The following SAP30BP variants were observed in gnomAD, a reference collection of about 807,000 sequenced individuals.
The protein encoded by SAP30BP is SAP30 binding protein.
SAP30BP carries 31 observed loss-of-function variants against 46.3 expected under a neutral mutation model. The ratio of observed to expected loss-of-function variants is 0.67; its 90% CI spans 0.50 to 0.90. The LOEUF (loss-of-function observed/expected upper bound fraction) is 0.90, where lower values mean the gene tolerates loss of function less well. Among genes scored for constraint, SAP30BP ranks in the 40% least tolerant of loss-of-function variants. SAP30BP has a pLI of 0.00. For missense variants in SAP30BP, 312 were observed against 391.0 expected, an observed-to-expected ratio of 0.80 and a Z score of 1.70; for synonymous variants, 169 against 144.2, an observed-to-expected ratio of 1.17 and a Z score of -1.23.
chr17:75,696,102 C>G (rs1392580112), intron 4 of SAP30BP, among the ~76,000 whole-genome samples: 1 of 152,222 alleles, frequency 6.6e-6, no homozygotes, highest in African/African-American at 2.4e-5. Flanking sequence ...ACGCTGACAG[C>G]TGGCTTCTCA....
chr17:75,704,802 G>T lies in SAP30BP; in HGVS notation c.648G>T (p.Lys216Asn). Residue 216 changes from lysine (K) to asparagine (N), a missense_variant, in exon 9 of 11, where the codon AAG (lysine) becomes AAT (asparagine). Coordinates refer to ENST00000584667, the MANE Select transcript of SAP30BP (RefSeq NM_013260.8). Reference protein sequence around the residue: ...IEMDKLEKAKKERTKIEFVTG... With the variant: ...IEMDKLEKAKNERTKIEFVTG... ...TGGACAAATTGGAAAAGGCCAAAAAGGAGCGAACAAAAGTAAGTGATGGCA... is the reference window on the plus strand; with the variant it reads ...TGGACAAATTGGAAAAGGCCAAAAATGAGCGAACAAAAGTAAGTGATGGCA... 2 of 1,613,536 alleles carry T rather than the reference G, an allele frequency of 1.2e-6. No individual in the cohort carries two copies. The highest frequency in any genetic ancestry group is 1.7e-6 in the Non-Finnish European group (2 of 1,179,678).
chr17:75,695,826 G>A (rs992171335), intron 4 of SAP30BP, among the ~76,000 whole-genome samples: 11 of 152,248 alleles, frequency 7.2e-5, no homozygotes, highest in East Asian at 1.9e-4. Context: ...TGACAGAGCC[G>A]AGCATGCACA....
intron 1 of SAP30BP, chr17:75,668,224 C>A (rs2059835893): frequency 3.2e-6 from 1 of 315,950 alleles, no homozygotes; most frequent in Admixed American, 5.1e-5. Flanking sequence ...TCAGAAAGTT[C>A]TCTGATGGTT....
chr17:75,691,486 G>A (rs1283182984), intron 3 of SAP30BP: 22 of 456,650 alleles, frequency 4.8e-5, no homozygotes, highest in Admixed American at 7.0e-5. Flanking sequence ...AAGAAGCCAC[G>A]GGGAGGCTCC....
chr17:75,700,093 A>G, intron 5 of SAP30BP: 1 of 372,978 alleles, frequency 2.7e-6, no homozygotes, highest in Non-Finnish European at 5.0e-6. Flanking sequence ...GTGCTGCTCC[A>G]GCAGGGCGGC....
chr17:75,677,094 C>T (rs2060001769), intron 3 of SAP30BP, among the ~76,000 whole-genome samples: 1 of 146,788 alleles, frequency 6.8e-6, no homozygotes, highest in East Asian at 2.0e-4. Context: ...TTTTTACTGT[C>T]CTGGCAGAAA....
chr17:75,691,860 T>C (rs1024119485), intron 3 of SAP30BP: 36 of 205,160 alleles, frequency 1.8e-4, no homozygotes, highest in Non-Finnish European at 2.8e-4. Context: ...CTAACACTCT[T>C]GAACACTGGT....
At chr17:75,692,558 A>G (rs374611325) in intron 3 of SAP30BP, 76 of 972,436 alleles carry the variant, frequency 7.8e-5, no homozygotes, top group African/African-American at 5.3e-4. Flanking sequence ...ACTTGAGACA[A>G]TGGAGGCAAG....
intron 3 of SAP30BP, among the ~76,000 whole-genome samples, chr17:75,689,518 G>T (rs2060211825): frequency 6.6e-6 from 1 of 152,302 alleles, no homozygotes; most frequent in South Asian, 2.1e-4. Flanking sequence ...GGAACTGGGT[G>T]AAAAGCCCTC....
intron 3 of SAP30BP, among the ~76,000 whole-genome samples, chr17:75,674,887 G>A (rs1285323564): frequency 1.3e-5 from 2 of 150,718 alleles, no homozygotes; most frequent in African/African-American, 4.9e-5. Context: ...TTTTTTTGTA[G>A]AGGAAAGGTT....
At position 75,667,356 on chromosome 17, in the gene SAP30BP, C is replaced by T. The variant is rs1310560110; in HGVS notation, c.-17C>T. ...TTGAGTCATAGGAGTGAGCCACGCC[C>T]GGGCTGTGGGAATAAGATGGCGGGG... On this transcript the variant is annotated 5_prime_UTR_variant, in exon 1 of 11. Transcript: ENST00000584667. 6.2e-7 allele frequency: 1 copy of T among 1,613,466 alleles called. No individual in the cohort carries two copies. Among genetic ancestry groups the T allele is most frequent in the Non-Finnish European group, 8.5e-7 (1 of 1,179,566 alleles).
intron 3 of SAP30BP, among the ~76,000 whole-genome samples, chr17:75,687,144 G>A (rs753753594): frequency 2.0e-5 from 3 of 152,182 alleles, no homozygotes; most frequent in Non-Finnish European, 4.4e-5. Flanking sequence ...GAAGAGCTTA[G>A]CATAATACCT....
At chr17:75,692,390 G>C (rs1568314725) in intron 3 of SAP30BP, 1 of 985,484 alleles carries the variant, frequency 1.0e-6, no homozygotes, top group Non-Finnish European at 1.2e-6. Flanking sequence ...TCATCAGCAG[G>C]AAAAGACATG....
intron 3 of SAP30BP, among the ~76,000 whole-genome samples, chr17:75,689,379 C>G (rs1177486943): frequency 6.6e-6 from 1 of 152,018 alleles, no homozygotes; most frequent in Non-Finnish European, 1.5e-5. Flanking sequence ...AGCCTCCCAA[C>G]TCCCCCAGCC....
intron 6 of SAP30BP, chr17:75,703,108 C>T (rs916551993): frequency 2.0e-5 from 12 of 585,974 alleles, no homozygotes; most frequent in Admixed American, 1.5e-4. Context: ...TCAGCCGTCA[C>T]CTTGACCCTG....
At chr17:75,685,809 A>G (rs2060147634) in intron 3 of SAP30BP, among the ~76,000 whole-genome samples, 1 of 152,172 alleles carries the variant, frequency 6.6e-6, no homozygotes, top group Non-Finnish European at 1.5e-5. Context: ...CTTGACTCAG[A>G]TCCTTGGTGT....
Position 75,697,345 on chromosome 17 carries a change from C to A in SAP30BP, c.308-2438C>A, listed in dbSNP as rs572045359. On this transcript the variant is annotated intron_variant, in intron 4 of 10. Transcript: ENST00000584667. ...AGCTCCCCCCAGCTGATTCCACTCT[C>A]CACCAGCTTCTGCAACCTCAGCCTT... Among the ~76,000 whole-genome samples the A allele has an allele frequency of 3.9e-5, 6 of 152,340 alleles. No homozygotes were observed. In the South Asian group the frequency reaches 1.2e-3, roughly 32 times the overall value.
intron 3 of SAP30BP, among the ~76,000 whole-genome samples, chr17:75,672,312 C>T (rs897299661): frequency 6.6e-6 from 1 of 152,226 alleles, no homozygotes; most frequent in African/African-American, 2.4e-5. Context: ...CTCCCCAGCT[C>T]TCAGGGATGG....
chr17:75,704,609 G>C, intron 8 of SAP30BP, 147 bp from the exon 9 acceptor site: 1 of 691,820 alleles, frequency 1.4e-6, no homozygotes, highest in South Asian at 1.6e-5. Context: ...TGCCGACCAA[G>C]GGCTGGCTTC....
Sources: gnomAD v4.1 joint callset for allele counts (sites outside exome capture counted in the v4.1 genomes callset) on GRCh38, gnomAD v4.1.1 for gene constraint, MANE v1.5 for transcripts, NCBI Gene and HGNC (gene_info 2026-07-23, HGNC 2026-07-21) for gene names.